SHB: variants seen among roughly 807,000 people sequenced by gnomAD.
SHB encodes the protein SH2 domain-containing adapter protein B.
SHB carries 20 observed loss-of-function variants against 52.3 expected under a neutral mutation model. That is an observed-to-expected ratio of 0.38 (90% CI 0.27 to 0.56). The LOEUF (loss-of-function observed/expected upper bound fraction) is 0.56, where lower values mean the gene tolerates loss of function less well. SHB is among the 20% of genes least tolerant of loss of function. SHB has a pLI of 0.71. For synonymous variants in SHB, 397 were observed against 316.5 expected (o/e 1.25, Z -2.70); for missense variants, 825 against 723.3 (o/e 1.14, Z -1.61).
chr9:37,968,179 A>G (rs1172035912), intron 3 of SHB, among the ~76,000 whole-genome samples: 3 of 152,358 alleles, frequency 2.0e-5, no homozygotes, highest in South Asian at 2.1e-4. Flanking sequence ...TCTGAAAACC[A>G]AAACACCAAA....
rs769424251 is a variant in SHB, at chr9:38,052,326, G to A, written c.717+15603C>T. Among the ~76,000 whole-genome samples the A allele has an allele frequency of 5.3e-5, 8 of 152,080 alleles. No homozygotes were observed. The East Asian group carries it at 7.7e-4, about 15-fold the overall frequency. On this transcript the variant is annotated intron_variant, in intron 1 of 5. Transcript: ENST00000377707. ...GTCTGACTTGTACAAGGCCTCCTCCGCCCAACTCTCCAACCAGCAGAGCCA... is the reference window on the plus strand; with the variant it reads ...GTCTGACTTGTACAAGGCCTCCTCCACCCAACTCTCCAACCAGCAGAGCCA...
At position 37,998,128 on chromosome 9, in the gene SHB, C is replaced by T. The variant is rs147615564; in HGVS notation, c.838+17883G>A. On this transcript the variant is annotated intron_variant, in intron 2 of 5. Coordinates refer to ENST00000377707, the MANE Select transcript of SHB (RefSeq NM_003028.3). ...TGCCTGCTTGTAAAGGGGAGCGCGA[C>T]GGGGATTTACAGCATTCCTGTTGCT... Among the ~76,000 whole-genome samples, 21 of 150,302 alleles carry T rather than the reference C, an allele frequency of 1.4e-4. 1 individual carries two copies. Among genetic ancestry groups the T allele is most frequent in the African/African-American group, 3.9e-4 (16 of 41,256 alleles).
At chr9:37,922,608 G>A (rs557359190) in intron 5 of SHB, among the ~76,000 whole-genome samples, 4 of 152,326 alleles carry the variant, frequency 2.6e-5, no homozygotes, top group Admixed American at 6.5e-5. Flanking sequence ...AGGCTGTGCC[G>A]ATGGGGCAGA....
chr9:38,051,423 C>A (rs896569835), intron 1 of SHB, among the ~76,000 whole-genome samples: 1 of 130,918 alleles, frequency 7.6e-6, no homozygotes, highest in Admixed American at 9.0e-5. Flanking sequence ...AACCTGGTGA[C>A]AGAGTGAGAC....
chr9:38,053,999 T>C (rs1821782253), intron 1 of SHB, among the ~76,000 whole-genome samples: 1 of 152,196 alleles, frequency 6.6e-6, no homozygotes, highest in Non-Finnish European at 1.5e-5. Context: ...AAGTGTTACC[T>C]ATGGTGACAC....
At chr9:38,034,433 T>A (rs1280123869) in intron 1 of SHB, among the ~76,000 whole-genome samples, 1 of 152,242 alleles carries the variant, frequency 6.6e-6, no homozygotes, top group Non-Finnish European at 1.5e-5. Flanking sequence ...CAATGGAGAA[T>A]CACGTCCAGC....
rs948588618 is a variant in SHB, at chr9:37,965,177, C to T, written c.1055-9123G>A. On this transcript the variant is annotated intron_variant, in intron 3 of 5. Coordinates refer to ENST00000377707, the MANE Select transcript of SHB (RefSeq NM_003028.3). ...TTTCTCTGCTGCCCATTGTGGATGGCTGTGAGGGAGGCCAGGAGAGATGGG... is the reference window on the plus strand; with the variant it reads ...TTTCTCTGCTGCCCATTGTGGATGGTTGTGAGGGAGGCCAGGAGAGATGGG... 3.3e-5 allele frequency among the ~76,000 whole-genome samples: 5 copies of T among 152,232 alleles called. No individual in the cohort carries two copies. In the South Asian group the frequency reaches 6.2e-4, roughly 19 times the overall value.
chr9:37,952,657 T>C (rs1244878977), intron 4 of SHB, among the ~76,000 whole-genome samples: 1 of 152,178 alleles, frequency 6.6e-6, no homozygotes, highest in East Asian at 1.9e-4. Context: ...TAATGGATTC[T>C]GGTGGTACTT....
chr9:38,057,335 T>C lies in SHB; in HGVS notation c.717+10594A>G, dbSNP rs114782211. On this transcript the variant is annotated intron_variant, in intron 1 of 5. Coordinates refer to ENST00000377707, the MANE Select transcript of SHB (RefSeq NM_003028.3). ...ACATATATATATATGCAATGAAAAA[T>C]GGCTAGATGAAAAAGTAGTAAAATG... is the stretch of plus-strand genomic sequence containing the variant. Among the ~76,000 whole-genome samples the C allele has an allele frequency of 3.9e-3, 591 of 152,206 alleles. 2 individuals carry two copies. Among genetic ancestry groups the C allele is most frequent in the African/African-American group, 0.013 (553 of 41,516 alleles).
intron 1 of SHB, among the ~76,000 whole-genome samples, chr9:38,028,142 C>A (rs1441964001): frequency 6.6e-6 from 1 of 152,072 alleles, no homozygotes; most frequent in African/African-American, 2.4e-5. Context: ...GCCCAAGTAT[C>A]ATTTTCTCCT....
chr9:38,015,943 C>A, intron 2 of SHB, 68 bp downstream of exon 2: 1 of 1,538,780 alleles, frequency 6.5e-7, no homozygotes, highest in Non-Finnish European at 8.9e-7. Context: ...GACCACCCGG[C>A]AGTGCCCTCA....
chr9:38,032,318 A>G (rs958424518), intron 1 of SHB, among the ~76,000 whole-genome samples: 2 of 152,180 alleles, frequency 1.3e-5, no homozygotes, highest in African/African-American at 4.8e-5. Context: ...CAGAGCACAG[A>G]AGGCTACGCA....
intron 3 of SHB, among the ~76,000 whole-genome samples, chr9:37,967,798 A>G (rs1820543808): frequency 6.6e-6 from 1 of 152,190 alleles, no homozygotes; most frequent in Admixed American, 6.5e-5. Flanking sequence ...CAAGTTTAAG[A>G]CTTACTGCTC....
At chr9:38,063,355 G>A (rs1167155137) in intron 1 of SHB, among the ~76,000 whole-genome samples, 1 of 152,204 alleles carries the variant, frequency 6.6e-6, no homozygotes, top group Non-Finnish European at 1.5e-5. Context: ...AGGCACATGG[G>A]ACTTTCTTCC....
At chr9:37,975,890 G>A (rs970799583) in intron 2 of SHB, among the ~76,000 whole-genome samples, 2 of 152,138 alleles carry the variant, frequency 1.3e-5, no homozygotes, top group Non-Finnish European at 2.9e-5. Flanking sequence ...TGAACTGTCA[G>A]CTCTGACAAG....
chr9:37,935,283 G>A (rs776193467), intron 5 of SHB, among the ~76,000 whole-genome samples: 1 of 152,098 alleles, frequency 6.6e-6, no homozygotes, highest in African/African-American at 2.4e-5. Context: ...CTCTGCAGAC[G>A]CCTGTTCAAG....
Position 38,026,247 on chromosome 9 carries a change from G to C in SHB, c.718-10116C>G, listed in dbSNP as rs574017147. Among the ~76,000 whole-genome samples, 3 of 152,358 alleles carry C rather than the reference G, an allele frequency of 2.0e-5. No individual in the cohort carries two copies. In the East Asian group the frequency reaches 5.8e-4, roughly 29 times the overall value. On this transcript the variant is annotated intron_variant, in intron 1 of 5. Coordinates refer to ENST00000377707, the MANE Select transcript of SHB (RefSeq NM_003028.3). ...GGCCTCTGTGCCCCAGCCAAGGCCC[G>C]GGAGTCACCAAGTGCACCCTCTCTC...
chr9:38,053,389 C>T (rs1268313940), intron 1 of SHB, among the ~76,000 whole-genome samples: 1 of 152,140 alleles, frequency 6.6e-6, no homozygotes, highest in Non-Finnish European at 1.5e-5. Flanking sequence ...AGGCGCTTGC[C>T]ACCACGCCCA....
intron 1 of SHB, among the ~76,000 whole-genome samples, chr9:38,025,386 G>A (rs1358052854): frequency 3.9e-5 from 6 of 152,126 alleles, no homozygotes; most frequent in Non-Finnish European, 8.8e-5. Context: ...TAGGGGGTAC[G>A]AGTGCTCCCC....
Sources: gnomAD v4.1 joint callset for allele counts (sites outside exome capture counted in the v4.1 genomes callset) on GRCh38, gnomAD v4.1.1 for gene constraint, MANE v1.5 for transcripts, NCBI Gene and HGNC (gene_info 2026-07-23, HGNC 2026-07-21) for gene names.